The following ZBTB7C variants were observed in gnomAD, a reference collection of about 807,000 sequenced individuals.
The protein encoded by ZBTB7C is zinc finger and BTB domain-containing protein 7C.
A neutral mutation model predicts 25.7 loss-of-function variants in ZBTB7C; 8 were observed. The observed-to-expected ratio is 0.31, with a 90% confidence interval of 0.18 to 0.56. ZBTB7C has a LOEUF of 0.56. Ranked by LOEUF, ZBTB7C falls within the 20% of genes least tolerant of loss-of-function variation. The pLI is 0.91. For synonymous variants in ZBTB7C, 394 were observed against 369.0 expected (o/e 1.07, Z -0.78); for missense variants, 824 against 855.2 (o/e 0.96, Z 0.46).
chr18:48,276,397 C>A (rs1255431978), intron 2 of ZBTB7C, among the ~76,000 whole-genome samples: 1 of 148,494 alleles, frequency 6.7e-6, no homozygotes, highest in Admixed American at 6.7e-5. Context: ...TGCACTGCAC[C>A]CACTAACTCG....
intron 1 of ZBTB7C, among the ~76,000 whole-genome samples, chr18:48,377,317 G>C (rs2047543436): frequency 6.6e-6 from 1 of 152,234 alleles, no homozygotes. Context: ...CACAGGGAGA[G>C]AGCTGTACGA....
chr18:48,238,294 C>T (rs1180737229), intron 2 of ZBTB7C, among the ~76,000 whole-genome samples: 3 of 152,218 alleles, frequency 2.0e-5, no homozygotes, highest in Non-Finnish European at 4.4e-5. Context: ...GACTGACTTG[C>T]AGCTCCCACT....
At chr18:48,395,267 G>C (rs1382933962) in intron 1 of ZBTB7C, among the ~76,000 whole-genome samples, 6 of 3,668 alleles carry the variant, frequency 1.6e-3, no homozygotes, top group African/African-American at 5.9e-3. Flanking sequence ...GAGAGAGAAT[G>C]TGTGTGTGTG....
At chr18:48,120,146 A>C (rs552626493) in intron 3 of ZBTB7C, among the ~76,000 whole-genome samples, 6 of 152,296 alleles carry the variant, frequency 3.9e-5, no homozygotes, top group African/African-American at 1.4e-4. Flanking sequence ...TTGAAATCCA[A>C]TCTAATTACA....
intron 2 of ZBTB7C, among the ~76,000 whole-genome samples, chr18:48,255,477 C>A (rs1430636106): frequency 6.6e-6 from 1 of 152,158 alleles, no homozygotes; most frequent in Non-Finnish European, 1.5e-5. Context: ...GTAACTCACA[C>A]TGAAGTTCCA....
intron 3 of ZBTB7C, among the ~76,000 whole-genome samples, chr18:48,075,957 G>A (rs1281081568): frequency 6.6e-6 from 1 of 152,204 alleles, no homozygotes; most frequent in African/African-American, 2.4e-5. Flanking sequence ...GCGCCTCTTG[G>A]CATGTAGTAC....
chr18:48,372,288 A>G lies in ZBTB7C; in HGVS notation c.-303-33890T>C, dbSNP rs528553571. ...CACTGCCACAGGAACATCCCAAATCACACATCAGACTACTTATTTTTCTGA... is the reference window on the plus strand; with the variant it reads ...CACTGCCACAGGAACATCCCAAATCGCACATCAGACTACTTATTTTTCTGA... On this transcript the variant is annotated intron_variant, in intron 1 of 4. Transcript: ENST00000590800. Among the ~76,000 whole-genome samples, 430 of 152,266 alleles carry G rather than the reference A, an allele frequency of 2.8e-3. 2 individuals carry two copies. Among genetic ancestry groups the G allele is most frequent in the African/African-American group, 9.3e-3 (387 of 41,530 alleles).
intron 3 of ZBTB7C, among the ~76,000 whole-genome samples, chr18:48,074,099 C>G (rs908899415): frequency 6.6e-6 from 1 of 151,916 alleles, no homozygotes; most frequent in Non-Finnish European, 1.5e-5. Context: ...CTGCAACCTC[C>G]ACTTCCCAGG....
rs753250987 is a variant in ZBTB7C, at chr18:48,029,463, C to G, written c.1657G>C (p.Glu553Gln). The G allele has an allele frequency of 1.3e-6, 2 of 1,597,286 alleles. No homozygotes were observed. The highest frequency in any genetic ancestry group is 1.7e-6 in the Non-Finnish European group (2 of 1,175,478). Residue 553 changes from glutamate (E) to glutamine (Q), a missense_variant, in exon 5 of 5, where the codon GAG (glutamate) becomes CAG (glutamine). This residue lies in a region of ZBTB7C where 342 missense variants were observed against 307.0 expected (regional missense o/e 1.11). Coordinates refer to ENST00000590800, the MANE Select transcript of ZBTB7C (RefSeq NM_001318841.2). ...SLQELERQFE[E>Q]TQMKLFGRAQ... The stretch of plus-strand genomic sequence containing the variant: ...CGCCCGAACAGCTTCATCTGTGTCT[C>G]CTCGAACTGCCGCTCCAGCTCTTGC...
intron 2 of ZBTB7C, among the ~76,000 whole-genome samples, chr18:48,315,926 G>A (rs8094861): frequency 0.28 from 41,900 of 151,976 alleles, 6,634 homozygotes; most frequent in East Asian, 0.71. Flanking sequence ...ACCTAAGCAC[G>A]GGAAGCGCCC....
At chr18:48,361,934 G>A (rs1188185742) in intron 1 of ZBTB7C, among the ~76,000 whole-genome samples, 2 of 152,308 alleles carry the variant, frequency 1.3e-5, no homozygotes, top group East Asian at 3.9e-4. Context: ...GACAATGAGG[G>A]GAACTGCCTC....
chr18:48,360,276 T>A (rs1173568946), intron 1 of ZBTB7C, among the ~76,000 whole-genome samples: 1 of 152,224 alleles, frequency 6.6e-6, no homozygotes, highest in Non-Finnish European at 1.5e-5. Context: ...AGAAAATGCG[T>A]AACCGAACTG....
intron 1 of ZBTB7C, among the ~76,000 whole-genome samples, chr18:48,389,858 A>T (rs11661531): frequency 6.6e-6 from 1 of 152,132 alleles, no homozygotes; most frequent in Admixed American, 6.5e-5. Context: ...TTTTTGAATG[A>T]ATTAATGAAC....
At chr18:48,174,989 T>C (rs2041622934) in intron 3 of ZBTB7C, among the ~76,000 whole-genome samples, 2 of 152,204 alleles carry the variant, frequency 1.3e-5, no homozygotes, top group African/African-American at 2.4e-5. Context: ...CAACTATACC[T>C]TTCTGTATAT....
intron 2 of ZBTB7C, among the ~76,000 whole-genome samples, chr18:48,186,265 T>C (rs1003107635): frequency 6.6e-6 from 1 of 152,120 alleles, no homozygotes; most frequent in Non-Finnish European, 1.5e-5. Flanking sequence ...CTGCCTCCAA[T>C]TCCCTGAAGG....
chr18:48,071,144 T>C (rs767017918), intron 3 of ZBTB7C, among the ~76,000 whole-genome samples: 1 of 152,144 alleles, frequency 6.6e-6, no homozygotes, highest in Non-Finnish European at 1.5e-5. Flanking sequence ...TCAGATGCAA[T>C]AAAACATCCT....
chr18:48,230,838 A>G (rs180946814), intron 2 of ZBTB7C, among the ~76,000 whole-genome samples: 39 of 152,334 alleles, frequency 2.6e-4, no homozygotes, highest in Admixed American at 2.2e-3. Flanking sequence ...CTGCCCCTAC[A>G]GGCTCAGAAG....
At chr18:48,178,997 T>C (rs965931952) in intron 3 of ZBTB7C, among the ~76,000 whole-genome samples, 1 of 152,096 alleles carries the variant, frequency 6.6e-6, no homozygotes, top group Admixed American at 6.5e-5. Flanking sequence ...TATTCATTGA[T>C]TTTGAAGTGG....
At chr18:48,098,852 A>G (rs1373007629) in intron 3 of ZBTB7C, among the ~76,000 whole-genome samples, 1 of 152,180 alleles carries the variant, frequency 6.6e-6, no homozygotes, top group African/African-American at 2.4e-5. Context: ...CTGAAATTGG[A>G]GAGGCCATGA....
Sources: gnomAD v4.1 joint callset for allele counts (sites outside exome capture counted in the v4.1 genomes callset) on GRCh38, gnomAD v4.1.1 for gene constraint, gnomAD v4.1.1 regional missense constraint, MANE v1.5 for transcripts, NCBI Gene and HGNC (gene_info 2026-07-23, HGNC 2026-07-21) for gene names.